The following TMPRSS9 variants were observed in gnomAD, a reference collection of about 807,000 sequenced individuals.
The protein encoded by TMPRSS9 is transmembrane serine protease 9.
Under a neutral mutation model 111.4 loss-of-function variants are expected in TMPRSS9, and 113 were observed. The ratio of observed to expected loss-of-function variants is 1.01; its 90% confidence interval spans 0.87 to 1.19. The LOEUF (loss-of-function observed/expected upper bound fraction) is 1.19. Ranked by LOEUF, TMPRSS9 falls within the 50% of genes most tolerant of loss-of-function variation. The probability of loss-of-function intolerance (pLI) is 0.00; values close to 1 mark genes in which losing one functional copy is unlikely to be tolerated. For synonymous variants in TMPRSS9, 805 were observed against 659.1 expected (o/e 1.22, Z -3.39); for missense variants, 1,803 against 1,513.1 (o/e 1.19, Z -3.18).
rs1476200812 is a variant in TMPRSS9, at chr19:2,402,027, C to T, written c.556+11C>T. The T allele has an allele frequency of 6.2e-7, 1 of 1,609,760 alleles. No individual in the cohort carries two copies. Among genetic ancestry groups the T allele is most frequent in the South Asian group, 1.1e-5 (1 of 90,972 alleles). The stretch of plus-strand genomic sequence containing the variant: ...GAGACTTCAAATCAGGTATGTTTTT[C>T]TCTCTGGCCTTTTCTCTGATTGCAG... On this transcript the variant is annotated intron_variant, in intron 5 of 17. Transcript: ENST00000648592.
chr19:2,425,255 G>T, exon 16 of TMPRSS9: 2 of 1,369,122 alleles, frequency 1.5e-6, no homozygotes, highest in Non-Finnish European at 1.9e-6. Flanking sequence ...CTGGGGCTCG[G>T]TGCGCGAAGG....
chr19:2,410,906 TTCTC>T (rs1210783460), intron 9 of TMPRSS9, among the ~76,000 whole-genome samples: 6 of 152,100 alleles, frequency 3.9e-5, no homozygotes, highest in Non-Finnish European at 7.4e-5. Context: ...GGGCATCAGA[TTCTC>T]TCCGTCTGTA....
At chr19:2,384,611 C>G (rs552911978) in intron 1 of TMPRSS9, among the ~76,000 whole-genome samples, 151 of 151,374 alleles carry the variant, frequency 1.0e-3, no homozygotes, top group African/African-American at 3.5e-3. Flanking sequence ...GTCAGGAGAT[C>G]GAGACCATCC....
chr19:2,364,358 G>C (rs1970231179), intron 1 of TMPRSS9, among the ~76,000 whole-genome samples: 1 of 152,244 alleles, frequency 6.6e-6, no homozygotes, highest in South Asian at 2.1e-4. Flanking sequence ...CTCTGAAATG[G>C]ATGCAGAGGA....
rs370661568 is a variant in TMPRSS9, at chr19:2,422,257, G to A, written c.2548+10G>A. ...CACACCCAGCTACCAGGTACCGGGA[G>A]AGACGGAGGGATCCCTGGGAGTGGA... is the stretch of plus-strand genomic sequence containing the variant. On this transcript the variant is annotated intron_variant, in intron 14 of 17. Transcript: ENST00000648592. 1 of 1,498,098 alleles carries A rather than the reference G, an allele frequency of 6.7e-7. No homozygotes were observed. The highest frequency in any genetic ancestry group is 1.4e-5 in the African/African-American group (1 of 71,636). The allele number at this position is 1,498,098 out of a possible 1,614,324, so 92.8% of individuals were successfully genotyped here.
At chr19:2,424,834 G>T (rs1012477433) in intron 15 of TMPRSS9, among the ~76,000 whole-genome samples, 168 bp from the exon 17 acceptor site, 2 of 152,060 alleles carry the variant, frequency 1.3e-5, no homozygotes, top group Non-Finnish European at 2.9e-5. Flanking sequence ...TCCCGGTGCC[G>T]CCTCGGTGCC....
At chr19:2,391,033 AAGGG>A (rs1221643971) in intron 1 of TMPRSS9, among the ~76,000 whole-genome samples, 60 of 61,704 alleles carry the variant, frequency 9.7e-4, no homozygotes, top group East Asian at 5.1e-3. Flanking sequence ...GAAAGAAAGA[AAGGG>A]AGGGAGGGAG....
At chr19:2,415,949 A>C (rs1438334598) in intron 11 of TMPRSS9, 108 bp downstream of exon 12, 1 of 1,314,400 alleles carries the variant, frequency 7.6e-7, no homozygotes, top group Non-Finnish European at 1.0e-6. Flanking sequence ...ACTGGGGAGC[A>C]GCCCTTCCTC....
At chr19:2,363,697 C>G (rs1164859282) in intron 1 of TMPRSS9, among the ~76,000 whole-genome samples, 1 of 151,248 alleles carries the variant, frequency 6.6e-6, no homozygotes, top group Non-Finnish European at 1.5e-5. Context: ...GCTCACCTGG[C>G]TTAGCTGGGG....
In TMPRSS9 at chr19:2,410,334, TTCAC is replaced by T; in HGVS notation, c.1200_1203del (p.Asp402GlyfsTer38). The T allele has an allele frequency of 1.9e-6, 3 of 1,613,778 alleles. No homozygotes were observed. The highest frequency in any genetic ancestry group is 2.5e-6 in the Non-Finnish European group (3 of 1,179,896). On this transcript the variant is annotated frameshift_variant, in exon 9 of 18. Coordinates refer to ENST00000648592, the Ensembl canonical transcript of TMPRSS9. LOFTEE classifies it high-confidence loss of function. ...CACTGTGTGCCAGCTTGTACGGCCA[TTCAC>T]TCACTGACAGGATGGTGTGCGCTGG...
intron 12 of TMPRSS9, among the ~76,000 whole-genome samples, chr19:2,417,316 A>G (rs148909142): frequency 3.3e-5 from 5 of 152,152 alleles, no homozygotes; most frequent in Admixed American, 6.5e-5. Context: ...AAATACAAAA[A>G]TTAGCCGGGT....
intron 1 of TMPRSS9, among the ~76,000 whole-genome samples, chr19:2,379,643 T>A (rs935202314): frequency 6.7e-6 from 1 of 148,688 alleles, no homozygotes; most frequent in African/African-American, 2.5e-5. Flanking sequence ...CTTTCTTTCT[T>A]TCTTTCTTTC....
In TMPRSS9 at chr19:2,425,221, C is replaced by G. The variant is rs774559577; in HGVS notation, c.2937C>G (p.Asp979Glu). The G allele has an allele frequency of 8.8e-6, 13 of 1,470,506 alleles. No homozygotes were observed. In the African/African-American group the frequency reaches 1.9e-4, roughly 22 times the overall value. 91.1% of individuals were successfully genotyped at this position (1,470,506 alleles called of 1,614,324 possible). The change falls in exon 16 of 18, where the codon GAC becomes GAG. Residue 979 changes from aspartate (D) to glutamate (E), a missense_variant. Coordinates refer to ENST00000648592, the Ensembl canonical transcript of TMPRSS9. ...CCGAGCCCGCGCCGCGACCCCCGGACGGCACGCGCTGCGTCATCACCGGCT... is the reference window on the plus strand; with the variant it reads ...CCGAGCCCGCGCCGCGACCCCCGGAGGGCACGCGCTGCGTCATCACCGGCT...
At chr19:2,398,315 A>T (rs559199649) in intron 2 of TMPRSS9, among the ~76,000 whole-genome samples, 118 of 148,790 alleles carry the variant, frequency 7.9e-4, no homozygotes, top group Admixed American at 2.4e-3. Flanking sequence ...ATAATAATAA[A>T]AAATTTAAAA....
At chr19:2,373,975 A>T (rs1369767998) in intron 1 of TMPRSS9, among the ~76,000 whole-genome samples, 1 of 152,186 alleles carries the variant, frequency 6.6e-6, no homozygotes, top group African/African-American at 2.4e-5. Flanking sequence ...AAAGTGCTTT[A>T]CAGGGAGATC....
chr19:2,415,014 C>T lies in TMPRSS9; in HGVS notation c.1574-656C>T, dbSNP rs933161007. Among the ~76,000 whole-genome samples the T allele has an allele frequency of 6.3e-5, 9 of 141,992 alleles. No individual in the cohort carries two copies. In the South Asian group the frequency reaches 1.6e-3, roughly 25 times the overall value. The allele number at this position is 141,992 out of a possible 152,430, so 93.2% of individuals were successfully genotyped here. ...AGGCTGGAGTGCAGTGGTGTGATCTCGGCTCACTGCAACCTCCACCTCCCG... is the reference window on the plus strand; with the variant it reads ...AGGCTGGAGTGCAGTGGTGTGATCTTGGCTCACTGCAACCTCCACCTCCCG... On this transcript the variant is annotated intron_variant, in intron 10 of 17. Coordinates refer to ENST00000648592, the Ensembl canonical transcript of TMPRSS9.
chr19:2,413,622 T>G, intron 9 of TMPRSS9, 78 bp from the exon 11 acceptor site: 4 of 1,486,852 alleles, frequency 2.7e-6, no homozygotes, highest in Non-Finnish European at 3.6e-6. Flanking sequence ...AGCTCAGAGC[T>G]CCTTCTTGGG....
intron 6 of TMPRSS9, among the ~76,000 whole-genome samples, chr19:2,404,772 A>G (rs1435143180): frequency 4.0e-5 from 6 of 151,710 alleles, no homozygotes; most frequent in Non-Finnish European, 8.8e-5. Context: ...CTCTACTAAA[A>G]GTACAAAAAA....
At chr19:2,398,121 C>CCATT (rs1386673142) in intron 2 of TMPRSS9, among the ~76,000 whole-genome samples, 2 of 149,224 alleles carry the variant, frequency 1.3e-5, no homozygotes, top group African/African-American at 2.5e-5. Context: ...TAGTGAAACC[C>CCATT]TGTCCCTACT....
Sources: gnomAD v4.1 joint callset for allele counts (sites outside exome capture counted in the v4.1 genomes callset) on GRCh38, gnomAD v4.1.1 for gene constraint, MANE v1.5 for transcripts, NCBI Gene and HGNC (gene_info 2026-07-23, HGNC 2026-07-21) for gene names.